Variants in TSHZ2 observed in about 807,000 individuals in gnomAD.
TSHZ2 encodes the protein teashirt zinc finger homeobox 2, also known as teashirt homolog 2.
TSHZ2 carries 21 observed loss-of-function variants against 74.4 expected under a neutral mutation model. The observed-to-expected ratio is 0.28, with a 90% CI of 0.20 to 0.41. TSHZ2 has a LOEUF of 0.41. Ranked by LOEUF, TSHZ2 falls within the 10% of genes least tolerant of loss-of-function variation. TSHZ2 has a pLI of 1.00. For missense variants in TSHZ2, 1,244 were observed against 1,293.5 expected (o/e 0.96, Z 0.59); for synonymous variants, 540 against 515.3 (o/e 1.05, Z -0.65).
intron 1 of TSHZ2, among the ~76,000 whole-genome samples, chr20:53,109,456 C>A (rs1170814633): frequency 6.6e-6 from 1 of 152,164 alleles, no homozygotes; most frequent in Non-Finnish European, 1.5e-5. Flanking sequence ...CATTTTCTCC[C>A]TGGAGCTCCT....
At chr20:53,221,375 G>A (rs1989552688) in intron 1 of TSHZ2, among the ~76,000 whole-genome samples, 1 of 152,178 alleles carries the variant, frequency 6.6e-6, no homozygotes, top group African/African-American at 2.4e-5. Context: ...TTTTTTAAGT[G>A]TTGGTAACTA....
chr20:53,143,322 A>C, intron 1 of TSHZ2, among the ~76,000 whole-genome samples: 1 of 152,244 alleles, frequency 6.6e-6, no homozygotes, highest in East Asian at 1.9e-4. Flanking sequence ...TATGGCTGAC[A>C]GCCGGAAGGT....
intron 2 of TSHZ2, among the ~76,000 whole-genome samples, chr20:53,481,806 A>C (rs1986155776): frequency 1.3e-5 from 2 of 151,946 alleles, no homozygotes; most frequent in Admixed American, 6.6e-5. Context: ...TTTAAAAGTA[A>C]CTATACTCAG....
chr20:53,042,438 A>G (rs1211078971), intron 1 of TSHZ2, among the ~76,000 whole-genome samples: 1 of 152,218 alleles, frequency 6.6e-6, no homozygotes, highest in Non-Finnish European at 1.5e-5. Flanking sequence ...ATTCGTATAT[A>G]TACACACACT....
intron 1 of TSHZ2, among the ~76,000 whole-genome samples, chr20:53,113,860 A>G (rs1986598649): frequency 6.6e-6 from 1 of 152,166 alleles, no homozygotes; most frequent in South Asian, 2.1e-4. Context: ...AATGGGATCC[A>G]GAAGTGTATG....
At chr20:53,038,533 G>A (rs1983910793) in intron 1 of TSHZ2, among the ~76,000 whole-genome samples, 1 of 152,180 alleles carries the variant, frequency 6.6e-6, no homozygotes, top group Non-Finnish European at 1.5e-5. Flanking sequence ...ATCTGAAAGT[G>A]ATGACATAAT....
intron 2 of TSHZ2, among the ~76,000 whole-genome samples, chr20:53,281,564 C>T (rs1460842206): frequency 6.6e-6 from 1 of 152,086 alleles, no homozygotes; most frequent in East Asian, 1.9e-4. Context: ...AAGTGGAGGG[C>T]CAGATTTGGC....
intron 1 of TSHZ2, among the ~76,000 whole-genome samples, chr20:53,009,572 G>A (rs752618282): frequency 6.6e-6 from 1 of 152,140 alleles, no homozygotes; most frequent in Non-Finnish European, 1.5e-5. Context: ...TTGACCACAG[G>A]TAACTGAAAC....
At chr20:53,401,954 T>C (rs1190481132) in intron 2 of TSHZ2, among the ~76,000 whole-genome samples, 3 of 151,982 alleles carry the variant, frequency 2.0e-5, no homozygotes, top group South Asian at 2.1e-4. Flanking sequence ...GGCTAATTTT[T>C]TGTATTTTTT....
intron 1 of TSHZ2, among the ~76,000 whole-genome samples, chr20:53,081,949 G>A (rs1357298585): frequency 1.3e-5 from 2 of 149,776 alleles, no homozygotes; most frequent in Non-Finnish European, 3.0e-5. Flanking sequence ...AGGCTGGAGT[G>A]CAGTCAGATA....
chr20:53,484,957 A>C (rs1024161526), intron 2 of TSHZ2, among the ~76,000 whole-genome samples: 1 of 152,198 alleles, frequency 6.6e-6, no homozygotes, highest in African/African-American at 2.4e-5. Context: ...ATTTAGGTTC[A>C]GTGTTTTTTC....
At chr20:53,468,596 G>C (rs1251582686) in intron 2 of TSHZ2, among the ~76,000 whole-genome samples, 1 of 151,446 alleles carries the variant, frequency 6.6e-6, no homozygotes, top group Admixed American at 6.6e-5. Context: ...GGAGGCAAAA[G>C]GGGACTTGCC....
Position 53,327,569 on chromosome 20 carries a change from G to A in TSHZ2, c.*8+70998G>A, listed in dbSNP as rs577111187. On this transcript the variant is annotated intron_variant, in intron 2 of 2. Coordinates refer to ENST00000371497, the MANE Select transcript of TSHZ2 (RefSeq NM_173485.6). ...AGACCTTCCAAGTGATGTAACAAGG[G>A]TTATCTTCCAGAGATGCGATATTAG... Among the ~76,000 whole-genome samples, 207 of 152,318 alleles carry A rather than the reference G, an allele frequency of 1.4e-3. 1 individual carries two copies. The highest frequency in any genetic ancestry group is 4.9e-3 in the African/African-American group (202 of 41,568).
chr20:53,237,335 C>T (rs1393386691), intron 1 of TSHZ2, among the ~76,000 whole-genome samples: 1 of 152,120 alleles, frequency 6.6e-6, no homozygotes, highest in Non-Finnish European at 1.5e-5. Flanking sequence ...CTCTCTGAAT[C>T]ACACACAACT....
At chr20:53,100,364 C>G (rs574085126) in intron 1 of TSHZ2, among the ~76,000 whole-genome samples, 17 of 152,142 alleles carry the variant, frequency 1.1e-4, no homozygotes, top group Non-Finnish European at 2.5e-4. Flanking sequence ...GTCTAAACCC[C>G]TCGTTGGCTG....
intron 2 of TSHZ2, among the ~76,000 whole-genome samples, chr20:53,264,470 C>T (rs1990667459): frequency 6.6e-6 from 1 of 152,166 alleles, no homozygotes; most frequent in African/African-American, 2.4e-5. Context: ...AGTGCATAGT[C>T]TTAATGAGCT....
chr20:53,119,901 C>T (rs1404011688), intron 1 of TSHZ2, among the ~76,000 whole-genome samples: 1 of 152,186 alleles, frequency 6.6e-6, no homozygotes, highest in Non-Finnish European at 1.5e-5. Context: ...TGAATAACTT[C>T]TCATAATAAG....
chr20:53,279,842 GCAGCTTCTGA>G (rs1568849630), intron 2 of TSHZ2, among the ~76,000 whole-genome samples: 1 of 152,178 alleles, frequency 6.6e-6, no homozygotes. Context: ...CCTTTGAGGG[GCAGCTTCTGA>G]CATATGAAGG....
At chr20:52,988,785 G>A (rs1981866969) in intron 1 of TSHZ2, among the ~76,000 whole-genome samples, 2 of 152,086 alleles carry the variant, frequency 1.3e-5, no homozygotes, top group Admixed American at 6.5e-5. Context: ...CAGTCCATCT[G>A]GGGCGTCTCA....
Sources: gnomAD v4.1 joint callset for allele counts (sites outside exome capture counted in the v4.1 genomes callset) on GRCh38, gnomAD v4.1.1 for gene constraint, MANE v1.5 for transcripts, NCBI Gene and HGNC (gene_info 2026-07-23, HGNC 2026-07-21) for gene names.